The following KIZ variants were observed in gnomAD, a reference collection of about 807,000 sequenced individuals.
KIZ encodes kizuna centrosomal protein, also known as centrosomal protein kizuna.
A neutral mutation model predicts 79.6 loss-of-function variants in KIZ; 68 were observed. The observed-to-expected ratio is 0.85, with a 90% confidence interval of 0.70 to 1.05. The LOEUF (loss-of-function observed/expected upper bound fraction) is 1.05. KIZ is among the 50% of genes least tolerant of loss of function. The pLI is 0.00. For missense variants in KIZ, 797 were observed against 800.4 expected (o/e 1.00, Z 0.05); for synonymous variants, 280 against 281.8 (o/e 0.99, Z 0.06).
At chr20:21,210,557 T>G (rs892868528) in intron 7 of KIZ, among the ~76,000 whole-genome samples, 2 of 152,186 alleles carry the variant, frequency 1.3e-5, no homozygotes, top group African/African-American at 2.4e-5. Context: ...TCAAAGAATA[T>G]CTGTGCAATT....
intron 5 of KIZ, 82 bp downstream of exon 5, chr20:21,162,589 CTCTT>C (rs1442654096): frequency 9.5e-7 from 1 of 1,055,634 alleles, no homozygotes; most frequent in East Asian, 2.5e-5. Context: ...CTAATTATCT[CTCTT>C]TCATAAAATA....
At chr20:21,151,815 G>C (rs1017036979) in intron 4 of KIZ, 1 of 152,116 alleles carries the variant, frequency 6.6e-6, no homozygotes, top group Admixed American at 6.6e-5. Flanking sequence ...TCCCACTTTT[G>C]GTAATCTGTG....
At position 21,134,097 on chromosome 20, in the gene KIZ, GCTGTGGCGA is replaced by G. The variant is rs1472629895; in HGVS notation, c.152+1954_152+1962del. On this transcript the variant is annotated intron_variant, in intron 2 of 12. Transcript: ENST00000619189. ...ATACCACATGCAGCAGGCTGTGGCG[GCTGTGGCGA>G]CTGTGGCGACTGTGGATGGTAGAAA... 3.9e-5 allele frequency among the ~76,000 whole-genome samples: 6 copies of G among 152,302 alleles called. No individual in the cohort carries two copies. The South Asian group carries it at 6.2e-4, about 16-fold the overall frequency.
intron 6 of KIZ, among the ~76,000 whole-genome samples, chr20:21,169,229 A>G (rs1332281509): frequency 6.6e-6 from 1 of 152,106 alleles, no homozygotes; most frequent in Non-Finnish European, 1.5e-5. Context: ...ACTCCAACAA[A>G]TTTACAAGAA....
chr20:21,167,844 G>A (rs2034017688), intron 6 of KIZ, among the ~76,000 whole-genome samples: 1 of 152,152 alleles, frequency 6.6e-6, no homozygotes, highest in Non-Finnish European at 1.5e-5. Flanking sequence ...GTGAGCCACT[G>A]CGCCTGGCCT....
At chr20:21,185,406 CCT>C (rs2034833055) in intron 6 of KIZ, among the ~76,000 whole-genome samples, 1 of 146,354 alleles carries the variant, frequency 6.8e-6, no homozygotes, top group South Asian at 2.1e-4. Context: ...AATTATTCTA[CCT>C]TTTTTTTTTT....
chr20:21,223,991 TTTTA>T (rs746854588), intron 9 of KIZ, among the ~76,000 whole-genome samples: 69 of 148,378 alleles, frequency 4.7e-4, no homozygotes, highest in Non-Finnish European at 8.9e-4. Context: ...TTTCCTTATT[TTTTA>T]TTTATTTATT....
intron 3 of KIZ, among the ~76,000 whole-genome samples, chr20:21,141,880 C>T (rs1410266264): frequency 4.6e-5 from 7 of 151,388 alleles, no homozygotes; most frequent in Middle Eastern, 3.4e-3. Flanking sequence ...AATACACAGA[C>T]GTGCACATTT....
chr20:21,150,446 C>G (rs1219956438), intron 4 of KIZ, among the ~76,000 whole-genome samples: 1 of 152,212 alleles, frequency 6.6e-6, no homozygotes, highest in Admixed American at 6.5e-5. Context: ...TCTCCCTAGA[C>G]GGGGGCTCTG....
chr20:21,238,801 C>T (rs116903761), intron 11 of KIZ, among the ~76,000 whole-genome samples: 2,487 of 152,282 alleles, frequency 0.016, 28 homozygotes, highest in Non-Finnish European at 0.025. Flanking sequence ...GCACAGAGTC[C>T]GATGCCTTGC....
Position 21,228,994 on chromosome 20 carries a change from T to C in KIZ, c.1679-17T>C. On this transcript the variant is annotated splice_polypyrimidine_tract_variant and intron_variant, in intron 9 of 12. Coordinates refer to ENST00000619189, the MANE Select transcript of KIZ (RefSeq NM_018474.6). ...AGTAAAAAATGTAATATTTCTGTGT[T>C]TTTCTTTAATCAACAGAAACAGAAG... is the stretch of plus-strand genomic sequence containing the variant. The C allele has an allele frequency of 6.9e-7, 1 of 1,454,432 alleles. No homozygotes were observed. The highest frequency in any genetic ancestry group is 9.6e-7 in the Non-Finnish European group (1 of 1,044,372). 90.1% of individuals were successfully genotyped at this position (1,454,432 alleles called of 1,614,324 possible).
intron 7 of KIZ, 146 bp from the exon 8 acceptor site, chr20:21,214,385 TGACA>T: frequency 2.1e-5 from 12 of 579,526 alleles, no homozygotes; most frequent in Middle Eastern, 4.7e-4. Flanking sequence ...TTTTTTTTCT[TGACA>T]TTTTAATTTC....
At chr20:21,233,189 GTT>G (rs1227187116) in intron 11 of KIZ, among the ~76,000 whole-genome samples, 1 of 152,172 alleles carries the variant, frequency 6.6e-6, no homozygotes, top group Non-Finnish European at 1.5e-5. Flanking sequence ...AAAGTGGCAT[GTT>G]TCTTCTTTTT....
intron 4 of KIZ, among the ~76,000 whole-genome samples, chr20:21,161,623 C>T (rs1219731979): frequency 6.6e-6 from 1 of 152,196 alleles, no homozygotes; most frequent in Non-Finnish European, 1.5e-5. Flanking sequence ...TGAGCCACCA[C>T]ACCCGGCTTA....
intron 8 of KIZ, 104 bp from the exon 9 acceptor site, chr20:21,215,479 T>C (rs2036247576): frequency 1.8e-6 from 1 of 566,096 alleles, no homozygotes; most frequent in African/African-American, 1.9e-5. Flanking sequence ...AGAAATACAT[T>C]AACCAAAAAA....
chr20:21,136,826 A>C (rs753564292), intron 3 of KIZ, among the ~76,000 whole-genome samples: 4 of 152,168 alleles, frequency 2.6e-5, no homozygotes, highest in Non-Finnish European at 5.9e-5. Context: ...AATGAGTACT[A>C]AGTTTCAGAT....
intron 4 of KIZ, among the ~76,000 whole-genome samples, chr20:21,152,522 C>G (rs767297678): frequency 2.2e-4 from 34 of 152,146 alleles, no homozygotes; most frequent in Non-Finnish European, 4.4e-4. Flanking sequence ...AGAGTTTTAT[C>G]CTGAGTTACC....
At chr20:21,226,532 G>A (rs768728033) in intron 9 of KIZ, among the ~76,000 whole-genome samples, 1 of 152,132 alleles carries the variant, frequency 6.6e-6, no homozygotes, top group African/African-American at 2.4e-5. Context: ...ATAGGGGGGT[G>A]ATGCATAGGG....
intron 6 of KIZ, chr20:21,198,935 C>T (rs1425075860): frequency 6.6e-6 from 1 of 152,338 alleles, no homozygotes; most frequent in African/African-American, 2.4e-5. Context: ...CTTCTGCGCT[C>T]TCTAGGTCAT....
Sources: allele counts gnomAD v4.1 joint callset (sites outside exome capture counted in the v4.1 genomes callset), GRCh38; gene constraint gnomAD v4.1.1; transcripts MANE v1.5; gene names NCBI Gene and HGNC (gene_info 2026-07-23, HGNC 2026-07-21).